Variants in NRXN1 observed in about 807,000 individuals in gnomAD.
NRXN1 encodes neurexin-1.
Under a neutral mutation model 150.9 loss-of-function variants are expected in NRXN1, and 39 were observed. That is an observed-to-expected ratio of 0.26 (90% CI 0.20 to 0.34). The LOEUF is 0.34. NRXN1 is among the 10% of genes least tolerant of loss of function. The pLI is 1.00. For missense variants in NRXN1, 1,815 were observed against 1,949.9 expected (o/e 0.93, Z 1.30); for synonymous variants, 924 against 757.0 (o/e 1.22, Z -3.62).
intron 17 of NRXN1, among the ~76,000 whole-genome samples, chr2:50,415,601 G>C (rs901435159): frequency 4.6e-5 from 7 of 152,068 alleles, no homozygotes; most frequent in Non-Finnish European, 7.4e-5. Context: ...CTCACTGGAG[G>C]CATGTGAAAT....
intron 18 of NRXN1, among the ~76,000 whole-genome samples, chr2:50,206,599 A>G (rs2062599214): frequency 1.3e-5 from 2 of 151,940 alleles, no homozygotes; most frequent in Non-Finnish European, 2.9e-5. Context: ...TCGGGACAGC[A>G]CATTAAAAAT....
At chr2:50,505,453 C>CA (rs1435237169) in intron 13 of NRXN1, among the ~76,000 whole-genome samples, 3 of 152,112 alleles carry the variant, frequency 2.0e-5, no homozygotes, top group Non-Finnish European at 4.4e-5. Flanking sequence ...TGCCTCTTCC[C>CA]AAACTCTTAC....
intron 18 of NRXN1, chr2:50,207,539 A>G (rs7571355): frequency 7.6e-5 from 12 of 157,918 alleles, no homozygotes; most frequent in African/African-American, 2.9e-4. Flanking sequence ...TACTCTTACC[A>G]ATAAGGAAAC....
chr2:50,771,954 C>T (rs1188303605), intron 5 of NRXN1, among the ~76,000 whole-genome samples: 1 of 151,902 alleles, frequency 6.6e-6, no homozygotes, highest in Non-Finnish European at 1.5e-5. Flanking sequence ...AGGTCAAGTG[C>T]CATAGCAGGT....
intron 5 of NRXN1, among the ~76,000 whole-genome samples, chr2:50,722,066 T>C (rs761491721): frequency 7.9e-5 from 12 of 152,116 alleles, no homozygotes; most frequent in Non-Finnish European, 1.8e-4. Context: ...AAAATGGTGA[T>C]CATAATATAA....
intron 12 of NRXN1, among the ~76,000 whole-genome samples, chr2:50,523,566 T>C (rs115881162): frequency 1.2e-3 from 185 of 152,344 alleles, no homozygotes; most frequent in African/African-American, 4.4e-3. Flanking sequence ...GTGCCAGTGG[T>C]TGACATTTTG....
chr2:50,246,011 C>G (rs1339540644), intron 17 of NRXN1, among the ~76,000 whole-genome samples: 1 of 151,756 alleles, frequency 6.6e-6, no homozygotes, highest in East Asian at 1.9e-4. Context: ...GGTCTCATTT[C>G]AATCATTTTA....
At chr2:50,642,724 G>C (rs1258674948) in intron 5 of NRXN1, among the ~76,000 whole-genome samples, 2 of 151,952 alleles carry the variant, frequency 1.3e-5, no homozygotes, top group African/African-American at 4.8e-5. Context: ...GAAGGTAATA[G>C]TTTCAATGTA....
intron 12 of NRXN1, among the ~76,000 whole-genome samples, chr2:50,517,522 T>C (rs796368285): frequency 1.3e-5 from 2 of 152,084 alleles, no homozygotes; most frequent in South Asian, 4.1e-4. Context: ...AAGGTAAATA[T>C]AAAGAAAACT....
At chr2:50,608,521 G>C (rs1280693047) in intron 8 of NRXN1, among the ~76,000 whole-genome samples, 1 of 141,700 alleles carries the variant, frequency 7.1e-6, no homozygotes, top group African/African-American at 2.5e-5. Flanking sequence ...AAAAACTACA[G>C]CTTTTAGTTA....
chr2:50,264,396 GC>G (rs2068627991), intron 17 of NRXN1, among the ~76,000 whole-genome samples: 2 of 151,980 alleles, frequency 1.3e-5, no homozygotes, highest in Non-Finnish European at 2.9e-5. Context: ...AAAACAGAAA[GC>G]ATTTTCAAAG....
At chr2:50,908,193 T>A (rs893063799) in intron 5 of NRXN1, among the ~76,000 whole-genome samples, 1 of 152,082 alleles carries the variant, frequency 6.6e-6, no homozygotes, top group Non-Finnish European at 1.5e-5. Flanking sequence ...TGAATAGTAA[T>A]GTTTCATGTT....
At chr2:50,977,303 A>C (rs1324436979) in intron 2 of NRXN1, among the ~76,000 whole-genome samples, 2 of 151,948 alleles carry the variant, frequency 1.3e-5, no homozygotes, top group African/African-American at 4.8e-5. Context: ...TTCATAAGGA[A>C]AGAAAATCTA....
At chr2:50,405,179 AT>A (rs1244551077) in intron 17 of NRXN1, among the ~76,000 whole-genome samples, 1 of 152,154 alleles carries the variant, frequency 6.6e-6, no homozygotes, top group Non-Finnish European at 1.5e-5. Flanking sequence ...TCATGCTTTC[AT>A]TTAAAGTAAG....
At chr2:50,031,408 TA>T (rs1163155556) in intron 21 of NRXN1, among the ~76,000 whole-genome samples, 1 of 152,082 alleles carries the variant, frequency 6.6e-6, no homozygotes, top group Non-Finnish European at 1.5e-5. Context: ...ACTTATGGGA[TA>T]TTTTTCTTAT....
At chr2:50,402,759 T>C (rs533885997) in intron 17 of NRXN1, among the ~76,000 whole-genome samples, 8 of 152,260 alleles carry the variant, frequency 5.3e-5, no homozygotes, top group African/African-American at 1.9e-4. Context: ...CCATTAGAAC[T>C]AGGCTTAGCT....
intron 17 of NRXN1, among the ~76,000 whole-genome samples, chr2:50,394,956 T>C (rs1454942638): frequency 6.6e-6 from 1 of 152,046 alleles, no homozygotes; most frequent in Non-Finnish European, 1.5e-5. Flanking sequence ...CATGACTACT[T>C]TTCTTATTTC....
chr2:50,855,583 G>A (rs1675154604), intron 5 of NRXN1, among the ~76,000 whole-genome samples: 1 of 151,996 alleles, frequency 6.6e-6, no homozygotes, highest in African/African-American at 2.4e-5. Flanking sequence ...GACTAACCCA[G>A]TAATTATTTA....
intron 2 of NRXN1, among the ~76,000 whole-genome samples, chr2:50,990,792 G>C (rs1207933825): frequency 6.6e-6 from 1 of 151,918 alleles, no homozygotes; most frequent in Non-Finnish European, 1.5e-5. Flanking sequence ...TCACATGCTG[G>C]CCAAGGAGCT....
Sources: gnomAD v4.1 joint callset for allele counts (sites outside exome capture counted in the v4.1 genomes callset) on GRCh38, gnomAD v4.1.1 for gene constraint, MANE v1.5 for transcripts, NCBI Gene and HGNC (gene_info 2026-07-23, HGNC 2026-07-21) for gene names.